The following CTNNA2 variants were observed in gnomAD, a reference collection of about 807,000 sequenced individuals.
CTNNA2 encodes the protein catenin alpha 2.
Under a neutral mutation model 101.0 loss-of-function variants are expected in CTNNA2, and 42 were observed. The ratio of observed to expected loss-of-function variants is 0.42; its 90% CI spans 0.32 to 0.54. The LOEUF (loss-of-function observed/expected upper bound fraction) is 0.54, where lower values mean the gene tolerates loss of function less well. Ranked by LOEUF, CTNNA2 falls within the 20% of genes least tolerant of loss-of-function variation. The pLI is 0.14. For synonymous variants in CTNNA2, 450 were observed against 456.4 expected (o/e 0.99, Z 0.18); for missense variants, 871 against 1,223.1 (o/e 0.71, Z 4.29).
At chr2:79,855,343 C>T (rs558451116) in intron 3 of CTNNA2, among the ~76,000 whole-genome samples, 1 of 152,270 alleles carries the variant, frequency 6.6e-6, no homozygotes, top group East Asian at 1.9e-4. Context: ...TGACACGTGT[C>T]ACCCATCGGC....
intron 5 of CTNNA2, among the ~76,000 whole-genome samples, chr2:79,506,488 C>G (rs1282071424): frequency 6.6e-6 from 1 of 152,140 alleles, no homozygotes; most frequent in East Asian, 1.9e-4. Flanking sequence ...CACCTGCCAA[C>G]TCTATGACAT....
chr2:80,564,491 G>A (rs999367837), intron 12 of CTNNA2, among the ~76,000 whole-genome samples: 3 of 147,920 alleles, frequency 2.0e-5, no homozygotes, highest in South Asian at 2.2e-4. Context: ...GGTAGTTGTC[G>A]TGAATGGAAT....
At chr2:79,874,401 A>AC (rs199986704) in intron 6 of CTNNA2, 59 bp downstream of exon 6, 1 of 1,484,750 alleles carries the variant, frequency 6.7e-7, no homozygotes, top group African/African-American at 1.4e-5. Flanking sequence ...AAAAAAAAAA[A>AC]TGTATTGAGG....
At chr2:80,073,295 AGAG>A (rs994683470) in intron 7 of CTNNA2, among the ~76,000 whole-genome samples, 1 of 152,170 alleles carries the variant, frequency 6.6e-6, no homozygotes, top group African/African-American at 2.4e-5. Context: ...TTGCAGGCAG[AGAG>A]GTTCCTTGCT....
At chr2:80,378,297 A>T (rs1457199015) in intron 7 of CTNNA2, among the ~76,000 whole-genome samples, 1 of 151,996 alleles carries the variant, frequency 6.6e-6, no homozygotes, top group Admixed American at 6.6e-5. Context: ...CGGAGCTTGC[A>T]GTGAGCAGAG....
chr2:80,002,710 C>T (rs1180879208), intron 7 of CTNNA2, among the ~76,000 whole-genome samples: 1 of 152,094 alleles, frequency 6.6e-6, no homozygotes, highest in African/African-American at 2.4e-5. Flanking sequence ...CACTTAATAG[C>T]AGCTGTGCTC....
intron 3 of CTNNA2, among the ~76,000 whole-genome samples, chr2:79,315,374 A>G (rs1353911465): frequency 6.6e-6 from 1 of 152,308 alleles, no homozygotes; most frequent in East Asian, 1.9e-4. Flanking sequence ...AACCAAATGG[A>G]ATCCTGTATC....
chr2:80,036,745 G>T (rs972844272), intron 7 of CTNNA2, among the ~76,000 whole-genome samples: 1 of 152,030 alleles, frequency 6.6e-6, no homozygotes, highest in South Asian at 2.1e-4. Flanking sequence ...GCACCTCCAT[G>T]TCACTGAGGA....
At chr2:79,976,260 G>T (rs1690833468) in intron 7 of CTNNA2, among the ~76,000 whole-genome samples, 1 of 152,130 alleles carries the variant, frequency 6.6e-6, no homozygotes, top group Non-Finnish European at 1.5e-5. Context: ...GGTATAACAA[G>T]GATTTTTGCT....
chr2:79,252,328 T>C (rs1674783738), intron 2 of CTNNA2, among the ~76,000 whole-genome samples: 1 of 152,162 alleles, frequency 6.6e-6, no homozygotes, highest in Non-Finnish European at 1.5e-5. Context: ...AGTTTCTCTG[T>C]AATAAAATAT....
chr2:80,427,346 T>C (rs1681084764), intron 9 of CTNNA2, among the ~76,000 whole-genome samples: 1 of 152,226 alleles, frequency 6.6e-6, no homozygotes, highest in Admixed American at 6.5e-5. Context: ...TTGTACCAAG[T>C]AGAAAACACC....
intron 3 of CTNNA2, among the ~76,000 whole-genome samples, chr2:79,800,857 T>A (rs1314358286): frequency 6.6e-6 from 1 of 152,222 alleles, no homozygotes; most frequent in Non-Finnish European, 1.5e-5. Context: ...GATGTGAATC[T>A]GGTCAGAAAG....
At position 79,743,887 on chromosome 2, in the gene CTNNA2, GA is replaced by G. The variant is rs376867627; in HGVS notation, c.103-497del. On this transcript the variant is annotated intron_variant, in intron 2 of 18. Transcript: ENST00000402739. ...AAAATTCTAAATAGCAAAGGTCTTC[GA>G]AAGTCCTTGGAAAATAACACATAAG... is the stretch of plus-strand genomic sequence containing the variant. 1.4e-4 allele frequency among the ~76,000 whole-genome samples: 21 copies of G among 152,246 alleles called. No individual in the cohort carries two copies. In the East Asian group the frequency reaches 4.1e-3, roughly 29 times the overall value.
At chr2:80,062,083 A>T (rs1542646) in intron 7 of CTNNA2, among the ~76,000 whole-genome samples, 1 of 152,064 alleles carries the variant, frequency 6.6e-6, no homozygotes, top group South Asian at 2.1e-4. Context: ...TGACATTGCC[A>T]CTGTAGCTTT....
At chr2:79,884,770 T>A (rs963887738) in intron 6 of CTNNA2, among the ~76,000 whole-genome samples, 5 of 150,422 alleles carry the variant, frequency 3.3e-5, no homozygotes, top group African/African-American at 1.2e-4. Flanking sequence ...TTTTTTCTGT[T>A]CTTGGTCAAA....
chr2:80,213,282 T>C (rs1170551692), intron 7 of CTNNA2, among the ~76,000 whole-genome samples: 1 of 152,124 alleles, frequency 6.6e-6, no homozygotes, highest in Non-Finnish European at 1.5e-5. Context: ...CTCTTGCTTC[T>C]CTAGTTCTTT....
At chr2:80,557,573 G>T (rs1289930664) in intron 12 of CTNNA2, among the ~76,000 whole-genome samples, 1 of 152,106 alleles carries the variant, frequency 6.6e-6, no homozygotes, top group Non-Finnish European at 1.5e-5. Flanking sequence ...CTCAGTTCCT[G>T]CCCACTCATG....
chr2:79,568,326 G>A (rs1283917336), intron 1 of CTNNA2, among the ~76,000 whole-genome samples: 1 of 152,130 alleles, frequency 6.6e-6, no homozygotes, highest in Admixed American at 6.5e-5. Flanking sequence ...TTCAGCCTGG[G>A]CATGGTGGCT....
At chr2:80,043,555 C>T (rs958398304) in intron 7 of CTNNA2, among the ~76,000 whole-genome samples, 3 of 152,108 alleles carry the variant, frequency 2.0e-5, no homozygotes, top group Admixed American at 6.6e-5. Context: ...TAGATCAAAC[C>T]TACAGTCCTT....
Sources: gnomAD v4.1 joint callset for allele counts (sites outside exome capture counted in the v4.1 genomes callset) on GRCh38, gnomAD v4.1.1 for gene constraint, MANE v1.5 for transcripts, NCBI Gene and HGNC (gene_info 2026-07-23, HGNC 2026-07-21) for gene names.